The following PDE11A variants were observed in gnomAD, a reference collection of about 807,000 sequenced individuals.
PDE11A encodes dual 3',5'-cyclic-AMP and -GMP phosphodiesterase 11A.
In PDE11A, 100 loss-of-function variants were observed where a neutral mutation model predicts 100.5. The ratio of observed to expected loss-of-function variants is 1.00; its 90% CI spans 0.85 to 1.18. PDE11A has a LOEUF of 1.18. Among genes scored for constraint, PDE11A ranks in the 50% most tolerant of loss-of-function variants. The pLI, the probability that PDE11A is intolerant of heterozygous loss-of-function variation, is 0.00. For synonymous variants in PDE11A, 381 were observed against 420.8 expected (o/e 0.91, Z 1.16); for missense variants, 1,141 against 1,152.6 (o/e 0.99, Z 0.15).
At chr2:177,935,923 C>T (rs1202349763) in intron 2 of PDE11A, among the ~76,000 whole-genome samples, 1 of 152,210 alleles carries the variant, frequency 6.6e-6, no homozygotes, top group Admixed American at 6.5e-5. Flanking sequence ...CTGATCAGTT[C>T]TCAACCTGCT....
At chr2:178,012,756 A>T (rs1359252242) in intron 2 of PDE11A, among the ~76,000 whole-genome samples, 1 of 152,220 alleles carries the variant, frequency 6.6e-6, no homozygotes, top group East Asian at 1.9e-4. Context: ...ATATATAATG[A>T]GTTCCTTTTA....
At chr2:178,034,213 A>G (rs1271301981) in intron 1 of PDE11A, among the ~76,000 whole-genome samples, 1 of 152,212 alleles carries the variant, frequency 6.6e-6, no homozygotes, top group Non-Finnish European at 1.5e-5. Flanking sequence ...TTACCAAGCA[A>G]ATGGAAAGCA....
chr2:177,830,635 A>G (rs1195937053), intron 6 of PDE11A, among the ~76,000 whole-genome samples: 1 of 146,380 alleles, frequency 6.8e-6, no homozygotes, highest in Non-Finnish European at 1.5e-5. Flanking sequence ...TAATAATAAT[A>G]ATAATAATAA....
At chr2:177,734,239 A>G (rs1335859487) in intron 10 of PDE11A, among the ~76,000 whole-genome samples, 1 of 152,194 alleles carries the variant, frequency 6.6e-6, no homozygotes, top group African/African-American at 2.4e-5. Flanking sequence ...GAATGAACCC[A>G]AATTGTTACT....
At chr2:177,844,692 G>A (rs1011157567) in intron 5 of PDE11A, among the ~76,000 whole-genome samples, 4 of 151,452 alleles carry the variant, frequency 2.6e-5, no homozygotes, top group African/African-American at 9.6e-5. Context: ...GCGGCCTTCC[G>A]CAGTATTTGT....
At chr2:177,741,534 A>G (rs1333066040) in intron 10 of PDE11A, among the ~76,000 whole-genome samples, 2 of 152,222 alleles carry the variant, frequency 1.3e-5, no homozygotes, top group Non-Finnish European at 2.9e-5. Context: ...CTAGAAATTC[A>G]AAATAAATGT....
At chr2:177,631,866 C>A (rs1032154257) in intron 19 of PDE11A, among the ~76,000 whole-genome samples, 1 of 151,882 alleles carries the variant, frequency 6.6e-6, no homozygotes, top group African/African-American at 2.4e-5. Context: ...AAACACATTG[C>A]CAGCTGCTCT....
intron 2 of PDE11A, among the ~76,000 whole-genome samples, chr2:177,950,448 A>G (rs545897297): frequency 6.6e-6 from 1 of 152,318 alleles, no homozygotes; most frequent in African/African-American, 2.4e-5. Flanking sequence ...TCTGGTCTAA[A>G]AATGACAAAA....
At chr2:177,716,258 G>C (rs1179493475) in intron 12 of PDE11A, among the ~76,000 whole-genome samples, 1 of 152,180 alleles carries the variant, frequency 6.6e-6, no homozygotes, top group Non-Finnish European at 1.5e-5. Context: ...AGAGGGGATG[G>C]AGACTTAGGC....
At chr2:178,004,922 C>T (rs897607919) in intron 2 of PDE11A, among the ~76,000 whole-genome samples, 1 of 152,054 alleles carries the variant, frequency 6.6e-6, no homozygotes, top group African/African-American at 2.4e-5. Flanking sequence ...CAACTTAATA[C>T]TCATAAGAAG....
At position 177,840,401 on chromosome 2, in the gene PDE11A, T is replaced by A. The variant is rs532162775; in HGVS notation, c.1368-18A>T. On this transcript the variant is annotated intron_variant, in intron 5 of 19. Transcript: ENST00000286063. ...CTTTGAAACTATCAGAGCACCAAGG[T>A]AGGCAGGAAGAAAAGAGAGAAACGT... The A allele has an allele frequency of 6.2e-6, 10 of 1,612,658 alleles. No homozygotes were observed. In the African/African-American group the frequency reaches 9.3e-5, roughly 15 times the overall value.
chr2:177,931,819 T>C (rs1269235685), intron 2 of PDE11A, among the ~76,000 whole-genome samples: 4 of 149,960 alleles, frequency 2.7e-5, no homozygotes, highest in African/African-American at 9.8e-5. Flanking sequence ...CTGAATAAAA[T>C]TGAGACCCAA....
At chr2:177,745,609 C>G (rs950374520) in intron 10 of PDE11A, among the ~76,000 whole-genome samples, 1 of 152,196 alleles carries the variant, frequency 6.6e-6, no homozygotes, top group Non-Finnish European at 1.5e-5. Flanking sequence ...CAGCAAAGCC[C>G]AGGTCCTGAA....
intron 2 of PDE11A, among the ~76,000 whole-genome samples, chr2:177,967,651 C>A (rs1175780545): frequency 6.6e-5 from 10 of 151,796 alleles, no homozygotes; most frequent in Non-Finnish European, 1.2e-4. Context: ...ACTGAATAAA[C>A]CTCAGCCTCT....
intron 5 of PDE11A, among the ~76,000 whole-genome samples, chr2:177,871,701 A>G (rs2105688591): frequency 6.6e-6 from 1 of 151,864 alleles, no homozygotes; most frequent in Middle Eastern, 3.4e-3. Flanking sequence ...TCTACAAAAT[A>G]ATTTTAAAAT....
At chr2:177,639,311 T>C (rs1027794128) in intron 19 of PDE11A, among the ~76,000 whole-genome samples, 1 of 152,216 alleles carries the variant, frequency 6.6e-6, no homozygotes, top group African/African-American at 2.4e-5. Context: ...TACTCAACCA[T>C]GGCTAGTAGT....
At chr2:177,795,935 C>CTATA (rs55861102) in intron 9 of PDE11A, among the ~76,000 whole-genome samples, 5,097 of 66,414 alleles carry the variant, frequency 0.077, 416 homozygotes, top group Non-Finnish European at 0.11. Context: ...TTTGTTTAAA[C>CTATA]TATATATATA....
rs536374182 is a variant in PDE11A at position 177,926,374 on chromosome 2, T to C, written c.1072-21187A>G. Among the ~76,000 whole-genome samples, 11 of 152,338 alleles carry C rather than the reference T, an allele frequency of 7.2e-5. No homozygotes were observed. The East Asian group carries it at 1.7e-3, about 24-fold the overall frequency. On this transcript the variant is annotated intron_variant, in intron 2 of 19. Transcript: ENST00000286063. ...AAAATACTAGCTTCAGATGTTCTTA[T>C]CTGTATACTCTTACTGTCTCAGAAA...
chr2:177,632,496 A>G lies in PDE11A; in HGVS notation c.2647-2934T>C, dbSNP rs147386058. Among the ~76,000 whole-genome samples, 293 of 152,248 alleles carry G rather than the reference A, an allele frequency of 1.9e-3. 2 individuals are homozygous for G. Among genetic ancestry groups the G allele is most frequent in the African/African-American group, 6.1e-3 (253 of 41,514 alleles). The stretch of plus-strand genomic sequence containing the variant: ...GTATACAACTCTCATGAATTCTGAC[A>G]TTGTTCTTTGAATGTAATCTTATGT... On this transcript the variant is annotated intron_variant, in intron 19 of 19. Coordinates refer to ENST00000286063, the MANE Select transcript of PDE11A (RefSeq NM_016953.4).
Sources: allele counts gnomAD v4.1 joint callset (sites outside exome capture counted in the v4.1 genomes callset), GRCh38; gene constraint gnomAD v4.1.1; transcripts MANE v1.5; gene names NCBI Gene and HGNC (gene_info 2026-07-23, HGNC 2026-07-21).